The following MCM9 variants were observed in gnomAD, a reference collection of about 807,000 sequenced individuals.
MCM9 encodes the protein DNA helicase MCM9.
Under a neutral mutation model 72.8 loss-of-function variants are expected in MCM9, and 55 were observed. That is an observed-to-expected ratio of 0.76 (90% CI 0.61 to 0.95). The LOEUF (loss-of-function observed/expected upper bound fraction) is 0.95, where lower values mean the gene tolerates loss of function less well. Ranked by LOEUF, MCM9 falls within the 40% of genes least tolerant of loss-of-function variation. MCM9 has a pLI of 0.00. For missense variants in MCM9, 1,279 were observed against 1,377.0 expected, an observed-to-expected ratio of 0.93 and a Z score of 1.13; for synonymous variants, 480 against 503.4, an observed-to-expected ratio of 0.95 and a Z score of 0.62.
At chr6:118,845,111 G>T (rs957486125) in intron 9 of MCM9, among the ~76,000 whole-genome samples, 7 of 151,696 alleles carry the variant, frequency 4.6e-5, no homozygotes, top group African/African-American at 1.7e-4. Flanking sequence ...TCTCTAGAGG[G>T]CATTTGAAAC....
Position 118,814,320 on chromosome 6 carries a change from AAT to A in MCM9, c.*502_*503del, listed in dbSNP as rs1194053171. 1 of 152,218 alleles carries A rather than the reference AAT, an allele frequency of 6.6e-6. No individual in the cohort carries two copies. The highest frequency in any genetic ancestry group is 1.5e-5 in the Non-Finnish European group (1 of 68,144). 9.4% of individuals were successfully genotyped at this position (152,218 alleles called of 1,614,324 possible). On this transcript the variant is annotated 3_prime_UTR_variant, in exon 14 of 14. Coordinates refer to ENST00000619706, the MANE Select transcript of MCM9 (RefSeq NM_017696.3). ...ATCAATACAAAAATAATACTAGAAA[AAT>A]AGTCTGATTTTGGCAAATCATCCAA...
rs1238105270 is a variant in MCM9 at position 118,816,063 on chromosome 6, T to A, written c.2193A>T (p.Ser731=). 6.5e-7 allele frequency: 1 copy of A among 1,550,264 alleles called. No homozygotes were observed. The highest frequency in any genetic ancestry group is 2.0e-5 in the Admixed American group (1 of 50,996). Residue 731 remains serine (S), a synonymous_variant, in exon 14 of 14, where the codon TCA becomes TCT. Coordinates refer to ENST00000619706, the MANE Select transcript of MCM9 (RefSeq NM_017696.3). ...CATCTCTGTTATTTTTGTGCTGAGCTGAATGTTTCCTACTTGTTGATCTAT... is the reference window on the plus strand; with the variant it reads ...CATCTCTGTTATTTTTGTGCTGAGCAGAATGTTTCCTACTTGTTGATCTAT... The part of the protein sequence containing the change: ...EPNRSTSRKH[S]AQHKNNRDDS...
chr6:118,898,359 A>G (rs74373763), intron 8 of MCM9, among the ~76,000 whole-genome samples: 1 of 152,314 alleles, frequency 6.6e-6, no homozygotes, highest in East Asian at 1.9e-4. Context: ...ACTTAGGATC[A>G]AGGGCATTAT....
chr6:118,871,045 C>T (rs1777566730), intron 8 of MCM9, among the ~76,000 whole-genome samples: 1 of 152,146 alleles, frequency 6.6e-6, no homozygotes, highest in African/African-American at 2.4e-5. Flanking sequence ...TAATACCAAT[C>T]CTACTCAACT....
intron 9 of MCM9, among the ~76,000 whole-genome samples, chr6:118,834,020 T>TC (rs1223509419): frequency 2.0e-5 from 3 of 152,004 alleles, no homozygotes; most frequent in Non-Finnish European, 4.4e-5. Flanking sequence ...ATGTTATCCC[T>TC]CCCCTAGCCC....
intron 8 of MCM9, among the ~76,000 whole-genome samples, chr6:118,887,274 G>A (rs1285838647): frequency 6.6e-6 from 1 of 152,188 alleles, no homozygotes; most frequent in Non-Finnish European, 1.5e-5. Context: ...CAATGTAGCA[G>A]TAGTATAAGG....
intron 8 of MCM9, among the ~76,000 whole-genome samples, chr6:118,875,896 A>T (rs1436146095): frequency 1.3e-5 from 2 of 152,216 alleles, no homozygotes; most frequent in African/African-American, 4.8e-5. Context: ...TACATAAGGC[A>T]CTGGAAAGTT....
At chr6:118,890,732 C>A (rs1215693314) in intron 8 of MCM9, among the ~76,000 whole-genome samples, 2 of 152,154 alleles carry the variant, frequency 1.3e-5, no homozygotes, top group Non-Finnish European at 2.9e-5. Flanking sequence ...TATATTTATA[C>A]AGAAAATTTT....
At position 118,814,883 on chromosome 6, in the gene MCM9, C is replaced by G. The variant is rs993276128; in HGVS notation, c.3373G>C (p.Glu1125Gln). 2 of 1,544,668 alleles carry G rather than the reference C, an allele frequency of 1.3e-6. No individual in the cohort carries two copies. Among genetic ancestry groups the G allele is most frequent in the Non-Finnish European group, 1.7e-6 (2 of 1,144,852 alleles). ...CAATCAAATGCTTCATCACCTAGTT[C>G]TGGTAAAGTGAAGAGGGATTCTTTG... is the stretch of plus-strand genomic sequence containing the variant. ...VSKESLFTLPELGDEAFDCDW... is the reference protein window; with the variant it reads ...VSKESLFTLPQLGDEAFDCDW... Residue 1125 changes from glutamate to glutamine, a missense_variant, in exon 14 of 14, where the codon GAA becomes CAA. Physicochemically the swap from Glu to Gln is conservative, Grantham distance 29. Coordinates refer to ENST00000619706, the MANE Select transcript of MCM9 (RefSeq NM_017696.3).
At chr6:118,890,494 T>C (rs1237942407) in intron 8 of MCM9, among the ~76,000 whole-genome samples, 1 of 152,238 alleles carries the variant, frequency 6.6e-6, no homozygotes, top group Non-Finnish European at 1.5e-5. Flanking sequence ...TGGTTACAGG[T>C]GCATCTAACA....
chr6:118,910,505 C>T (rs913704255), intron 8 of MCM9: 1 of 538,386 alleles, frequency 1.9e-6, no homozygotes, highest in Admixed American at 6.4e-5. Flanking sequence ...TTCAAACTGC[C>T]CAAATACTCT....
At chr6:118,934,704 T>G (rs1462565743) in intron 1 of MCM9, 187 bp downstream of exon 1, 1 of 152,248 alleles carries the variant, frequency 6.6e-6, no homozygotes, top group African/African-American at 2.4e-5. Flanking sequence ...CACAGGGTCT[T>G]TGCACGCAGC....
At chr6:118,897,942 C>T (rs1779544856) in intron 8 of MCM9, among the ~76,000 whole-genome samples, 1 of 152,152 alleles carries the variant, frequency 6.6e-6, no homozygotes, top group African/African-American at 2.4e-5. Flanking sequence ...CAAGTGTTCC[C>T]TGAGTTGCAG....
At chr6:118,934,639 C>G (rs974979039) in intron 1 of MCM9, 3 of 152,178 alleles carry the variant, frequency 2.0e-5, no homozygotes, top group Non-Finnish European at 4.4e-5. Flanking sequence ...CCAGGGGCGC[C>G]TGGCAAACGT....
At chr6:118,888,211 G>T (rs545673820) in intron 8 of MCM9, among the ~76,000 whole-genome samples, 1 of 152,196 alleles carries the variant, frequency 6.6e-6, no homozygotes, top group Admixed American at 6.5e-5. Context: ...TGGTGGCCGG[G>T]CATGGTGGCT....
At chr6:118,817,835 C>A (rs1189952585) in intron 13 of MCM9, among the ~76,000 whole-genome samples, 1 of 152,170 alleles carries the variant, frequency 6.6e-6, no homozygotes, top group African/African-American at 2.4e-5. Context: ...ACCATTCTAA[C>A]TGGTGTAAGA....
intron 13 of MCM9, among the ~76,000 whole-genome samples, chr6:118,821,631 G>A (rs1773817313): frequency 6.6e-6 from 1 of 152,094 alleles, no homozygotes; most frequent in African/African-American, 2.4e-5. Context: ...GTATCTTAGT[G>A]GTGTTCTCTG....
Position 118,856,547 on chromosome 6 carries a change from T to G in MCM9, c.1151-2A>C. 3 of 1,535,018 alleles carry G rather than the reference T, an allele frequency of 2.0e-6. No homozygotes were observed. The highest frequency in any genetic ancestry group is 1.7e-6 in the Non-Finnish European group (2 of 1,146,664). On this transcript the variant is annotated splice_acceptor_variant, in intron 8 of 13. Coordinates refer to ENST00000619706, the MANE Select transcript of MCM9 (RefSeq NM_017696.3). LOFTEE classifies it high-confidence loss of function. ...CTTTTACAGCAGTTACCGTCAGACCTGAGGAAACAAGCAAGCCATATCAAC... is the reference window on the plus strand; with the variant it reads ...CTTTTACAGCAGTTACCGTCAGACCGGAGGAAACAAGCAAGCCATATCAAC...
chr6:118,864,491 C>T (rs143934631), intron 8 of MCM9, among the ~76,000 whole-genome samples: 11,594 of 152,084 alleles, frequency 0.076, 686 homozygotes, highest in East Asian at 0.19. Flanking sequence ...AAATAAACAT[C>T]TATTCACGAA....
Sources: allele counts gnomAD v4.1 joint callset (sites outside exome capture counted in the v4.1 genomes callset), GRCh38; gene constraint gnomAD v4.1.1; transcripts MANE v1.5; gene names NCBI Gene and HGNC (gene_info 2026-07-23, HGNC 2026-07-21).